LATS2: variants seen among roughly 807,000 people sequenced by gnomAD.
LATS2 encodes serine/threonine-protein kinase LATS2.
In LATS2, 24 loss-of-function variants were observed where a neutral mutation model predicts 76.0. The ratio of observed to expected loss-of-function variants is 0.32; its 90% confidence interval spans 0.23 to 0.44. LATS2 has a LOEUF of 0.44. LATS2 is among the 20% of genes least tolerant of loss of function. The probability of loss-of-function intolerance (pLI) is 1.00; values close to 1 mark genes in which losing one functional copy is unlikely to be tolerated. For synonymous variants in LATS2, 692 were observed against 635.4 expected (o/e 1.09, Z -1.34); for missense variants, 1,286 against 1,481.2 (o/e 0.87, Z 2.16).
chr13:21,016,178 G>C (rs1871791100), intron 2 of LATS2, among the ~76,000 whole-genome samples: 1 of 151,640 alleles, frequency 6.6e-6, no homozygotes, highest in African/African-American at 2.4e-5. Flanking sequence ...GTAGAGACGG[G>C]GTTTCACCAT....
At position 21,007,544 on chromosome 13, in the gene LATS2, AG is replaced by A. The variant is rs59508457; in HGVS notation, c.343-16141del. On this transcript the variant is annotated intron_variant, in intron 2 of 7. Coordinates refer to ENST00000382592, the MANE Select transcript of LATS2 (RefSeq NM_014572.3). ...TCGTAGGGGATGGATATATATATAT[AG>A]TATATATATATATATATATATATAT... is the stretch of plus-strand genomic sequence containing the variant. 7.9e-3 allele frequency among the ~76,000 whole-genome samples: 58 copies of A among 7,308 alleles called. 4 individuals carry two copies. The highest frequency in any genetic ancestry group is 0.039 in the African/African-American group (49 of 1,264). 4.8% of individuals were successfully genotyped at this position (7,308 alleles called of 152,430 possible). A position where few individuals can be genotyped will look rare whatever the true frequency, so the allele number is the denominator to read the frequency against.
At chr13:21,009,933 C>G (rs558297682) in intron 2 of LATS2, among the ~76,000 whole-genome samples, 1 of 152,302 alleles carries the variant, frequency 6.6e-6, no homozygotes, top group African/African-American at 2.4e-5. Flanking sequence ...GGCGTGGTGG[C>G]TCATGCCTGT....
chr13:21,044,234 T>C (rs1872984099), intron 2 of LATS2, among the ~76,000 whole-genome samples: 2 of 152,202 alleles, frequency 1.3e-5, no homozygotes, highest in Admixed American at 1.3e-4. Context: ...AAACATCTCC[T>C]CTGAGAAATG....
Position 20,988,357 on chromosome 13 carries a change from G to A in LATS2, c.1423C>T (p.Pro475Ser). 3 of 1,371,898 alleles carry A rather than the reference G, an allele frequency of 2.2e-6. No individual in the cohort carries two copies. Among genetic ancestry groups the A allele is most frequent in the South Asian group, 1.7e-5 (1 of 59,208 alleles). 85.0% of individuals were successfully genotyped at this position (1,371,898 alleles called of 1,614,324 possible). A position where few individuals can be genotyped will look rare whatever the true frequency, so the allele number is the denominator to read the frequency against. ...CCCTCCGCAGCCGGGGCGGGGGCGG[G>A]GGCGGGGGCCGGGGCAGGCGCGGGC... Reference protein sequence around the residue: ...WVPAPAPAPAPAPAPAAEGLD... With the variant: ...WVPAPAPAPASAPAPAAEGLD... Residue 475 changes from proline (P) to serine (S), a missense_variant, in exon 4 of 8, where the codon CCC becomes TCC. By Grantham distance (74) the Pro-to-Ser change is moderately conservative (BLOSUM62 -1). Coordinates refer to ENST00000382592, the MANE Select transcript of LATS2 (RefSeq NM_014572.3).
rs1246883582 is a variant in LATS2, at chr13:20,973,214, A to T, written c.*1656T>A. On this transcript the variant is annotated 3_prime_UTR_variant, in exon 8 of 8. Coordinates refer to ENST00000382592, the MANE Select transcript of LATS2 (RefSeq NM_014572.3). ...TAAAATAGCGAGAATACTGACAGTC[A>T]CGACGACAGGCACAGCAGACTTGAG... 1 of 232,588 alleles carries T rather than the reference A, an allele frequency of 4.3e-6. No individual in the cohort carries two copies. The highest frequency in any genetic ancestry group is 8.5e-6 in the Non-Finnish European group (1 of 117,484). The allele number at this position is 232,588 out of a possible 1,614,324, so 14.4% of individuals were successfully genotyped here. A position where few individuals can be genotyped will look rare whatever the true frequency, so the allele number is the denominator to read the frequency against.
intron 7 of LATS2, among the ~76,000 whole-genome samples, 162 bp downstream of exon 7, chr13:20,979,529 A>G (rs891679309): frequency 6.6e-6 from 1 of 152,176 alleles, no homozygotes; most frequent in African/African-American, 2.4e-5. Context: ...TTAAAAATAG[A>G]TAATTTAAAA....
chr13:20,973,979 C>CA lies in LATS2; in HGVS notation c.*890_*891insT, dbSNP rs1051866612. The CA allele has an allele frequency of 5.5e-5, 11 of 200,716 alleles. 1 individual carries two copies. The highest frequency in any genetic ancestry group is 2.4e-5 in the African/African-American group (1 of 41,480). 12.4% of individuals were successfully genotyped at this position (200,716 alleles called of 1,614,324 possible). A position where few individuals can be genotyped will look rare whatever the true frequency, so the allele number is the denominator to read the frequency against. ...ATGACAAATGTTTCAGTTCCCCCCC[C>CA]CCAAAGAATCCAATCACAACCAAGA... On this transcript the variant is annotated 3_prime_UTR_variant, in exon 8 of 8. Transcript: ENST00000382592.
chr13:20,998,176 G>A (rs1870841149), intron 2 of LATS2, among the ~76,000 whole-genome samples: 1 of 151,926 alleles, frequency 6.6e-6, no homozygotes, highest in African/African-American at 2.4e-5. Context: ...GCCTGGGCAA[G>A]ACCCGCATGT....
At position 21,033,467 on chromosome 13, in the gene LATS2, A is replaced by G. The variant is rs139088925; in HGVS notation, c.342+12218T>C. On this transcript the variant is annotated intron_variant, in intron 2 of 7. Coordinates refer to ENST00000382592, the MANE Select transcript of LATS2 (RefSeq NM_014572.3). ...CAAACACACCGAGTTCAATACAGAA[A>G]TACCCAGTCACAGGGTGGGGCTTCT... Among the ~76,000 whole-genome samples the G allele has an allele frequency of 7.0e-4, 107 of 152,034 alleles. 3 individuals carry two copies. In the East Asian group the frequency reaches 0.016, roughly 23 times the overall value.
At chr13:21,025,271 A>C (rs956943822) in intron 2 of LATS2, among the ~76,000 whole-genome samples, 2 of 151,686 alleles carry the variant, frequency 1.3e-5, no homozygotes, top group African/African-American at 4.8e-5. Flanking sequence ...AAGCACCTAT[A>C]ATCCCAGCTA....
chr13:21,040,268 T>A lies in LATS2; in HGVS notation c.342+5417A>T, dbSNP rs181716673. On this transcript the variant is annotated intron_variant, in intron 2 of 7. Transcript: ENST00000382592. ...CAGACATGGTGATGTGCGCCTGTGG[T>A]CTCAGTTACTTTGGAGGTTGAGGCG... 1.8e-4 allele frequency among the ~76,000 whole-genome samples: 27 copies of A among 151,544 alleles called. No homozygotes were observed. The East Asian group carries it at 5.1e-3, about 28-fold the overall frequency.
chr13:21,049,637 T>C (rs570677959), intron 1 of LATS2, among the ~76,000 whole-genome samples: 1 of 152,220 alleles, frequency 6.6e-6, no homozygotes, highest in East Asian at 1.9e-4. Context: ...CACTCAGCTA[T>C]GAAAGGACAA....
At chr13:20,985,150 A>G (rs1188375038) in intron 4 of LATS2, among the ~76,000 whole-genome samples, 1 of 152,232 alleles carries the variant, frequency 6.6e-6, no homozygotes, top group African/African-American at 2.4e-5. Flanking sequence ...AACAGATTAA[A>G]GACCTAGAAA....
chr13:21,053,876 A>C (rs1873361344), intron 1 of LATS2, among the ~76,000 whole-genome samples: 1 of 152,230 alleles, frequency 6.6e-6, no homozygotes, highest in East Asian at 1.9e-4. Context: ...AGGCAAATTC[A>C]TAGAGACAGA....
intron 1 of LATS2, among the ~76,000 whole-genome samples, chr13:21,058,350 A>G (rs1274363752): frequency 6.6e-6 from 1 of 152,008 alleles, no homozygotes; most frequent in Non-Finnish European, 1.5e-5. Context: ...AAAAAAGAAC[A>G]CCTCTCCCCT....
intron 2 of LATS2, among the ~76,000 whole-genome samples, chr13:21,024,557 C>A (rs1376875974): frequency 6.6e-6 from 1 of 151,928 alleles, no homozygotes; most frequent in Non-Finnish European, 1.5e-5. Flanking sequence ...TATGGCCCTG[C>A]GGGAGCTCTT....
chr13:21,040,125 G>A (rs996300793), intron 2 of LATS2, among the ~76,000 whole-genome samples: 8 of 151,786 alleles, frequency 5.3e-5, no homozygotes, highest in East Asian at 1.9e-4. Context: ...GGTGGCCCAC[G>A]CCAGTAATCC....
chr13:20,987,346 C>T (rs920714188), intron 4 of LATS2, among the ~76,000 whole-genome samples: 14 of 152,168 alleles, frequency 9.2e-5, no homozygotes, highest in Admixed American at 5.9e-4. Context: ...AAATCTGTTA[C>T]ATTTTAATTT....
chr13:21,000,336 G>A (rs760795772), intron 2 of LATS2, among the ~76,000 whole-genome samples: 5 of 151,972 alleles, frequency 3.3e-5, no homozygotes, highest in Non-Finnish European at 7.4e-5. Flanking sequence ...AGCCGAGATT[G>A]CACCACTGTA....
Sources: allele counts gnomAD v4.1 joint callset (sites outside exome capture counted in the v4.1 genomes callset), GRCh38; gene constraint gnomAD v4.1.1; transcripts MANE v1.5; gene names NCBI Gene and HGNC (gene_info 2026-07-23, HGNC 2026-07-21).